Variants in P2RY14 observed in about 807,000 individuals in gnomAD.
The protein encoded by P2RY14 is purinergic receptor P2Y14.
A neutral mutation model predicts 0.9 loss-of-function variants in P2RY14; 2 were observed. The observed-to-expected ratio is 2.16, with a 90% CI of 0.88 to 6.79. The LOEUF is 6.79. Ranked by LOEUF, P2RY14 falls within the 30% of genes most tolerant of loss-of-function variation. P2RY14 has a pLI of 0.05. For synonymous variants in P2RY14, 158 were observed against 147.2 expected, an observed-to-expected ratio of 1.07 and a Z score of -0.53; for missense variants, 378 against 400.1, an observed-to-expected ratio of 0.94 and a Z score of 0.47.
intron 1 of P2RY14, among the ~76,000 whole-genome samples, chr3:151,237,337 TTTTTTTTTTTTTC>T (rs1204037687): frequency 7.8e-5 from 7 of 89,448 alleles, no homozygotes; most frequent in Non-Finnish European, 1.1e-4. Flanking sequence ...CACGCCTGGC[TTTTTTTTTTTTTC>T]TTTTTTTTTT....
At chr3:151,247,915 C>T (rs1735995058) in intron 1 of P2RY14, among the ~76,000 whole-genome samples, 1 of 146,154 alleles carries the variant, frequency 6.8e-6, no homozygotes, top group Non-Finnish European at 1.5e-5. Context: ...AGACAGGGCT[C>T]CTTTTAAAAA....
At chr3:151,277,690 A>G (rs189098386) in intron 1 of P2RY14, among the ~76,000 whole-genome samples, 4 of 152,340 alleles carry the variant, frequency 2.6e-5, no homozygotes, top group East Asian at 3.9e-4. Flanking sequence ...TAGACTATAA[A>G]TAAGTAGCAT....
In P2RY14 at chr3:151,221,004, G is replaced by A. The variant is rs146569896; in HGVS notation, c.-132-1362C>T. ...TGCCTTTGCCCAAAATGCTGATAGT[G>A]ATATGGACGATAAAGTCCAGGGTGA... On this transcript the variant is annotated intron_variant, in intron 1 of 2. Transcript: ENST00000309170. Among the ~76,000 whole-genome samples, 547 of 152,306 alleles carry A rather than the reference G, an allele frequency of 3.6e-3. 3 individuals carry two copies. The highest frequency in any genetic ancestry group is 0.013 in the African/African-American group (526 of 41,572).
At position 151,213,155 on chromosome 3, in the gene P2RY14, CTT is replaced by C. The variant is rs1727460299; in HGVS notation, c.*143_*144del. 1.1e-5 allele frequency: 7 copies of C among 613,518 alleles called. No individual in the cohort carries two copies. Among genetic ancestry groups the C allele is most frequent in the Non-Finnish European group, 1.6e-5 (6 of 365,976 alleles). The allele number at this position is 613,518 out of a possible 1,614,324, so 38.0% of individuals were successfully genotyped here. ...TTGATGTTACAAAAAAGCATGGAAACTTATATTTGAATTTTATTGAACTAAAT... is the reference window on the plus strand; with the variant it reads ...TTGATGTTACAAAAAAGCATGGAAACATATTTGAATTTTATTGAACTAAAT... On this transcript the variant is annotated 3_prime_UTR_variant, in exon 3 of 3. Coordinates refer to ENST00000309170, the MANE Select transcript of P2RY14 (RefSeq NM_014879.4).
At chr3:151,223,469 A>G (rs1002697215) in intron 1 of P2RY14, among the ~76,000 whole-genome samples, 5 of 152,274 alleles carry the variant, frequency 3.3e-5, no homozygotes, top group African/African-American at 1.2e-4. Context: ...GATTGGATGA[A>G]GAAAATATGG....
At position 151,268,988 on chromosome 3, in the gene P2RY14, G is replaced by A. The variant is rs548598001; in HGVS notation, c.-133+9299C>T. 2.6e-5 allele frequency among the ~76,000 whole-genome samples: 4 copies of A among 152,318 alleles called. No individual in the cohort carries two copies. The South Asian group carries it at 8.3e-4, about 32-fold the overall frequency. On this transcript the variant is annotated intron_variant, in intron 1 of 2. Transcript: ENST00000309170. ...GTGGTCTGGTTCTTGAACTTTCCTAGCGGTGTGACCCCCAAAACCAAGACT... is the reference window on the plus strand; with the variant it reads ...GTGGTCTGGTTCTTGAACTTTCCTAACGGTGTGACCCCCAAAACCAAGACT...
chr3:151,235,890 C>G (rs4076581), intron 1 of P2RY14, among the ~76,000 whole-genome samples: 1 of 151,784 alleles, frequency 6.6e-6, no homozygotes, highest in African/African-American at 2.4e-5. Context: ...CCCCCTATGT[C>G]GCATTCTCTA....
In P2RY14 at chr3:151,229,220, C is replaced by T. The variant is rs149383668; in HGVS notation, c.-132-9578G>A. On this transcript the variant is annotated intron_variant, in intron 1 of 2. Transcript: ENST00000309170. ...TAACCCAAAGTGTTGTATGTTTCCT[C>T]CCTGTTTTGTGTATTAATCCCTGTT... 7.3e-3 allele frequency among the ~76,000 whole-genome samples: 1,115 copies of T among 152,216 alleles called. 13 individuals carry two copies. In the Middle Eastern group the frequency reaches 0.088, roughly 12 times the overall value.
rs1437864352 is a variant in P2RY14 at position 151,213,933 on chromosome 3, C to T, written c.384G>A (p.Trp128Ter). 6.2e-7 allele frequency: 1 copy of T among 1,614,122 alleles called. No individual in the cohort carries two copies. ...DRYYKIVKPL[W>*]TSFIQSVSYS... ...AACTCACTGACTGGATGAAAGAAGTCCAAAGAGGCTTTACAATTTTATAAT... is the reference window on the plus strand; with the variant it reads ...AACTCACTGACTGGATGAAAGAAGTTCAAAGAGGCTTTACAATTTTATAAT... Residue 128 changes from tryptophan to a stop codon, truncating the protein, a stop_gained, in exon 3 of 3, where the codon TGG (tryptophan) becomes TGA (stop). Transcript: ENST00000309170. LOFTEE classifies it low-confidence loss of function (END_TRUNC).
At chr3:151,220,275 A>G (rs1729086042) in intron 1 of P2RY14, among the ~76,000 whole-genome samples, 1 of 151,940 alleles carries the variant, frequency 6.6e-6, no homozygotes, top group South Asian at 2.1e-4. Flanking sequence ...CCTGAAAGCC[A>G]TGTGGTCTGA....
intron 2 of P2RY14, among the ~76,000 whole-genome samples, chr3:151,216,842 T>C (rs1382223457): frequency 2.0e-5 from 3 of 152,226 alleles, no homozygotes; most frequent in Middle Eastern, 3.2e-3. Context: ...AGTCTGTGGC[T>C]GGTAACTAAT....
At chr3:151,261,255 C>T (rs1738827347) in intron 1 of P2RY14, 1 of 151,898 alleles carries the variant, frequency 6.6e-6, no homozygotes, top group Non-Finnish European at 1.5e-5. Context: ...AAAAAAAACC[C>T]CAAAAGGCAG....
chr3:151,221,412 G>A (rs1183108608), intron 1 of P2RY14, among the ~76,000 whole-genome samples: 3 of 152,214 alleles, frequency 2.0e-5, no homozygotes, highest in Non-Finnish European at 4.4e-5. Flanking sequence ...TGTATCCAGG[G>A]CATGTCAAAG....
chr3:151,268,065 T>G (rs887574188), intron 1 of P2RY14, among the ~76,000 whole-genome samples: 3 of 152,222 alleles, frequency 2.0e-5, no homozygotes, highest in African/African-American at 7.2e-5. Context: ...AAATGCTCTG[T>G]TTTAATATGC....
intron 1 of P2RY14, chr3:151,248,860 C>T (rs1258460807): frequency 6.6e-6 from 1 of 152,096 alleles, no homozygotes; most frequent in African/African-American, 2.4e-5. Flanking sequence ...AATTTTCTTA[C>T]TTACCAATTT....
chr3:151,249,171 C>G (rs1220545584), intron 1 of P2RY14: 2 of 152,122 alleles, frequency 1.3e-5, no homozygotes, highest in African/African-American at 4.8e-5. Flanking sequence ...ACGGCTTGAC[C>G]AAATAGTAAA....
intron 1 of P2RY14, among the ~76,000 whole-genome samples, chr3:151,222,765 A>G (rs1729634666): frequency 6.6e-6 from 1 of 152,232 alleles, no homozygotes. Flanking sequence ...TTGAGTTAGC[A>G]TCATTTTTTT....
At chr3:151,235,211 C>G (rs1732486285) in intron 1 of P2RY14, among the ~76,000 whole-genome samples, 1 of 152,148 alleles carries the variant, frequency 6.6e-6, no homozygotes, top group Admixed American at 6.5e-5. Context: ...TAATGCCTGG[C>G]AGAACTCTGA....
rs1448460503 is a variant in P2RY14, at chr3:151,220,171, A to C, written c.-132-529T>G. Among the ~76,000 whole-genome samples the C allele has an allele frequency of 2.0e-5, 3 of 149,808 alleles. No homozygotes were observed. In the South Asian group the frequency reaches 6.5e-4, roughly 32 times the overall value. On this transcript the variant is annotated intron_variant, in intron 1 of 2. Coordinates refer to ENST00000309170, the MANE Select transcript of P2RY14 (RefSeq NM_014879.4). ...AGTTGCGGTAATCAAAAATGTTTCTAGACTTTGCCAAATGTCCTCTGAGGG... is the reference window on the plus strand; with the variant it reads ...AGTTGCGGTAATCAAAAATGTTTCTCGACTTTGCCAAATGTCCTCTGAGGG...
Sources: allele counts gnomAD v4.1 joint callset (sites outside exome capture counted in the v4.1 genomes callset), GRCh38; gene constraint gnomAD v4.1.1; transcripts MANE v1.5; gene names NCBI Gene and HGNC (gene_info 2026-07-23, HGNC 2026-07-21).